IRAG2: variants seen among roughly 807,000 people sequenced by gnomAD.
IRAG2 encodes the protein inositol 1,4,5-triphosphate receptor associated 2, also known as lymphoid restricted membrane protein.
A neutral mutation model predicts 69.9 loss-of-function variants in IRAG2; 45 were observed. The observed-to-expected ratio is 0.64, with a 90% CI of 0.51 to 0.83. The LOEUF is 0.83. Among genes scored for constraint, IRAG2 ranks in the 40% least tolerant of loss-of-function variants. The probability of loss-of-function intolerance (pLI) is 0.00; values close to 1 mark genes in which losing one functional copy is unlikely to be tolerated. For synonymous variants in IRAG2, 193 were observed against 202.4 expected (o/e 0.95, Z 0.40); for missense variants, 520 against 587.0 (o/e 0.89, Z 1.18).
chr12:25,023,602 A>G (rs996219201), intron 7 of IRAG2, among the ~76,000 whole-genome samples: 3 of 152,204 alleles, frequency 2.0e-5, no homozygotes, highest in Admixed American at 6.5e-5. Flanking sequence ...GAAAGAAGCC[A>G]GGTTGTTACT....
At chr12:25,045,335 A>G (rs947654167) in intron 16 of IRAG2, among the ~76,000 whole-genome samples, 5 of 152,074 alleles carry the variant, frequency 3.3e-5, no homozygotes, top group African/African-American at 9.6e-5. Flanking sequence ...TTTACACTTC[A>G]ATGAACTAGA....
rs183859654 is a variant in IRAG2, at chr12:25,065,075, G to A, written c.-207+1259G>A. ...ATCACATTCCAGCCTGGGTGTCGCA[G>A]TGAGACTCAGTCTCAAAAAAAAAAA... On this transcript the variant is annotated intron_variant, in intron 4 of 21. Transcript: ENST00000556887. Among the ~76,000 whole-genome samples, 55 of 144,726 alleles carry A rather than the reference G, an allele frequency of 3.8e-4. 2 individuals carry two copies. The highest frequency in any genetic ancestry group is 1.3e-3 in the African/African-American group (51 of 39,374). The allele number at this position is 144,726 out of a possible 152,430, so 94.9% of individuals were successfully genotyped here. A position where few individuals can be genotyped will look rare whatever the true frequency, so the allele number is the denominator to read the frequency against.
intron 16 of IRAG2, among the ~76,000 whole-genome samples, chr12:25,041,987 G>GTGTA (rs1282028444): frequency 6.3e-5 from 9 of 142,004 alleles, no homozygotes; most frequent in African/African-American, 2.3e-4. Context: ...GTGTGTGTGT[G>GTGTA]TGTGTATGTG....
At chr12:25,059,275 T>A (rs969040727) in intron 1 of IRAG2, among the ~76,000 whole-genome samples, 4 of 152,022 alleles carry the variant, frequency 2.6e-5, no homozygotes, top group African/African-American at 4.8e-5. Flanking sequence ...CAGAATTTTT[T>A]AAAAATTTCA....
At chr12:25,086,495 G>A (rs764146367) in intron 10 of IRAG2, among the ~76,000 whole-genome samples, 2 of 152,120 alleles carry the variant, frequency 1.3e-5, no homozygotes, top group Admixed American at 6.6e-5. Context: ...TCACCTGTGC[G>A]GTTTTTGAAA....
exon 4 of IRAG2, chr12:25,015,215 C>T (rs1260438234): frequency 1.1e-5 from 13 of 1,155,022 alleles, no homozygotes; most frequent in African/African-American, 3.7e-5. Context: ...GCAGCATCAT[C>T]GATGATTCTG....
intron 16 of IRAG2, among the ~76,000 whole-genome samples, chr12:25,041,309 C>A (rs1278566890): frequency 1.3e-5 from 2 of 152,020 alleles, no homozygotes; most frequent in Non-Finnish European, 2.9e-5. Flanking sequence ...TGGTGAGAAG[C>A]CATCAGAGGG....
chr12:25,004,467 A>G (rs1442203854), exon 1 of IRAG2: 4 of 1,231,988 alleles, frequency 3.2e-6, no homozygotes, highest in South Asian at 4.1e-5. Flanking sequence ...TCAAATACCA[A>G]TCTAGCAGTT....
At position 25,030,357 on chromosome 12, in the gene IRAG2, A is replaced by G. The variant is rs1944659408; in HGVS notation, c.1518+23A>G. 3 of 1,226,760 alleles carry G rather than the reference A, an allele frequency of 2.4e-6. No individual in the cohort carries two copies. The South Asian group carries it at 1.2e-4, about 51-fold the overall frequency. 76.0% of individuals were successfully genotyped at this position (1,226,760 alleles called of 1,614,324 possible). On this transcript the variant is annotated intron_variant, in intron 10 of 38. Coordinates refer to the IRAG2 transcript ENST00000636465. ...AAGGTTGGTATTGTTCCTTACCACA[A>G]AGTCCCATGGAATTGGCTAGCTCTC... is the stretch of plus-strand genomic sequence containing the variant.
At chr12:25,077,228 TG>T (rs59273990) in intron 6 of IRAG2, among the ~76,000 whole-genome samples, 4,849 of 99,048 alleles carry the variant, frequency 0.049, 498 homozygotes, top group East Asian at 0.087. Context: ...GAAATATATA[TG>T]ATATATATAT....
intron 2 of IRAG2, among the ~76,000 whole-genome samples, chr12:25,007,097 A>G (rs1944439313): frequency 6.6e-6 from 1 of 152,214 alleles, no homozygotes; most frequent in Non-Finnish European, 1.5e-5. Context: ...TCAAACATAT[A>G]CAGAGGTAGA....
Position 25,090,103 on chromosome 12 carries a change from C to T in IRAG2, c.512C>T (p.Thr171Ile). Residue 171 changes from threonine to isoleucine, a missense_variant, in exon 14 of 22, where the codon ACC (threonine) becomes ATC (isoleucine). Transcript: ENST00000556887. ...LSLGFKCDWF[T>I]LEKRVKLEER... is the part of the protein sequence containing the mutation. ...TTGGGATTTAAGTGTGACTGGTTTACCTTGGAGAAGAGAGTGAAGCTTGAA... is the reference window on the plus strand; with the variant it reads ...TTGGGATTTAAGTGTGACTGGTTTATCTTGGAGAAGAGAGTGAAGCTTGAA... 1 of 1,613,916 alleles carries T rather than the reference C, an allele frequency of 6.2e-7. No individual in the cohort carries two copies. Among genetic ancestry groups the T allele is most frequent in the Non-Finnish European group, 8.5e-7 (1 of 1,179,842 alleles).
chr12:24,997,908 T>C, the IRAG2 span, among the ~76,000 whole-genome samples: 2 of 152,242 alleles, frequency 1.3e-5, no homozygotes, highest in Admixed American at 1.3e-4. Flanking sequence ...TCCCCAGATA[T>C]GTTGCTGTCA....
chr12:25,099,150 AT>A (rs1198819578), intron 15 of IRAG2, among the ~76,000 whole-genome samples: 2 of 152,012 alleles, frequency 1.3e-5, no homozygotes, highest in Non-Finnish European at 2.9e-5. Context: ...TCAAATTCAT[AT>A]GTTTAGCCTA....
intron 1 of IRAG2, among the ~76,000 whole-genome samples, chr12:25,054,468 A>G (rs1945099628): frequency 6.6e-6 from 1 of 152,158 alleles, no homozygotes; most frequent in African/African-American, 2.4e-5. Flanking sequence ...TTCTTGCAGT[A>G]TTTTCTTAGA....
upstream of IRAG2, among the ~76,000 whole-genome samples, chr12:24,999,818 TA>T (rs11403723): frequency 6.3e-3 from 897 of 141,840 alleles, 4 homozygotes; most frequent in African/African-American, 0.012. Flanking sequence ...CAGATTTAGC[TA>T]AAAAAAAAAA....
At chr12:25,019,555 G>A (rs537944203) in intron 6 of IRAG2, among the ~76,000 whole-genome samples, 2 of 152,302 alleles carry the variant, frequency 1.3e-5, no homozygotes, top group East Asian at 1.9e-4. Context: ...TCCTCTTGAT[G>A]TTCAGAGCTT....
At chr12:25,035,415 T>A (rs1479142637) in intron 13 of IRAG2, 3 of 337,226 alleles carry the variant, frequency 8.9e-6, no homozygotes, top group Non-Finnish European at 1.6e-5. Context: ...ATCATCAGCA[T>A]GTAAATGTCA....
the IRAG2 span, among the ~76,000 whole-genome samples, chr12:24,998,678 A>T: frequency 6.6e-6 from 1 of 151,846 alleles, no homozygotes; most frequent in Non-Finnish European, 1.5e-5. Context: ...GTCTATCTAC[A>T]CACATACTTA....
Sources: gnomAD v4.1 joint callset for allele counts (sites outside exome capture counted in the v4.1 genomes callset) on GRCh38, gnomAD v4.1.1 for gene constraint, MANE v1.5 for transcripts, NCBI Gene and HGNC (gene_info 2026-07-23, HGNC 2026-07-21) for gene names.